The following ADAMTSL1 variants were observed in gnomAD, a reference collection of about 807,000 sequenced individuals.
The protein encoded by ADAMTSL1 is ADAMTS-like protein 1.
In ADAMTSL1, 126 loss-of-function variants were observed where a neutral mutation model predicts 201.8. The observed-to-expected ratio is 0.62, with a 90% CI of 0.54 to 0.72. The LOEUF is 0.72. ADAMTSL1 is among the 30% of genes least tolerant of loss of function. The probability of loss-of-function intolerance (pLI) is 0.00; values close to 1 mark genes in which losing one functional copy is unlikely to be tolerated. For synonymous variants in ADAMTSL1, 1,121 were observed against 903.4 expected, an observed-to-expected ratio of 1.24 and a Z score of -4.32; for missense variants, 2,679 against 2,277.8, an observed-to-expected ratio of 1.18 and a Z score of -3.59.
chr9:17,982,064 A>C (rs1395188133), intron 1 of ADAMTSL1, among the ~76,000 whole-genome samples: 1 of 152,210 alleles, frequency 6.6e-6, no homozygotes, highest in Non-Finnish European at 1.5e-5. Context: ...AAATCACACT[A>C]CTTGCTTAAA....
intron 1 of ADAMTSL1, among the ~76,000 whole-genome samples, chr9:18,085,934 C>T (rs1021778228): frequency 2.0e-5 from 3 of 151,848 alleles, no homozygotes; most frequent in Admixed American, 6.6e-5. Context: ...AGGACAGTAG[C>T]AGCAGAGATG....
chr9:18,266,740 A>C (rs1354803409), intron 2 of ADAMTSL1, among the ~76,000 whole-genome samples: 1 of 152,154 alleles, frequency 6.6e-6, no homozygotes, highest in Non-Finnish European at 1.5e-5. Context: ...GACAAGACTC[A>C]GTAAACATGG....
At chr9:18,058,178 G>A (rs530643622) in intron 1 of ADAMTSL1, among the ~76,000 whole-genome samples, 4 of 152,318 alleles carry the variant, frequency 2.6e-5, no homozygotes, top group African/African-American at 9.6e-5. Flanking sequence ...AGTATTTTGA[G>A]TAATCTAGAA....
intron 2 of ADAMTSL1, among the ~76,000 whole-genome samples, chr9:18,232,052 C>T (rs1260405759): frequency 6.6e-6 from 1 of 152,148 alleles, no homozygotes; most frequent in Non-Finnish European, 1.5e-5. Flanking sequence ...TCGTGTCACC[C>T]CTCAGCTCTC....
intron 3 of ADAMTSL1, among the ~76,000 whole-genome samples, chr9:18,555,738 T>C (rs1821070802): frequency 6.6e-6 from 1 of 151,812 alleles, no homozygotes; most frequent in Non-Finnish European, 1.5e-5. Flanking sequence ...ACCAGGGGAA[T>C]AAGAGGTGAC....
At chr9:18,756,231 A>G (rs1176272544) in intron 16 of ADAMTSL1, among the ~76,000 whole-genome samples, 1 of 134,622 alleles carries the variant, frequency 7.4e-6, no homozygotes, top group Non-Finnish European at 1.6e-5. Flanking sequence ...GTGAGCCGAG[A>G]TTGCACCACT....
At chr9:18,132,920 A>G (rs183556080) in intron 1 of ADAMTSL1, among the ~76,000 whole-genome samples, 90 of 152,204 alleles carry the variant, frequency 5.9e-4, no homozygotes, top group Non-Finnish European at 9.9e-4. Context: ...TTTGCCAAGG[A>G]TTACGGAGAT....
chr9:18,522,568 C>A (rs79541594), intron 2 of ADAMTSL1, among the ~76,000 whole-genome samples: 6 of 151,192 alleles, frequency 4.0e-5, no homozygotes, highest in Admixed American at 3.3e-4. Context: ...TTAAGTATAT[C>A]CCCTAATGCT....
At chr9:18,847,225 G>A (rs1214037169) in intron 23 of ADAMTSL1, among the ~76,000 whole-genome samples, 3 of 152,144 alleles carry the variant, frequency 2.0e-5, no homozygotes, top group Non-Finnish European at 4.4e-5. Flanking sequence ...AGTGGGGACT[G>A]CTTTCTTTGA....
intron 2 of ADAMTSL1, among the ~76,000 whole-genome samples, chr9:18,246,752 A>G (rs1209316011): frequency 6.6e-6 from 1 of 152,210 alleles, no homozygotes; most frequent in South Asian, 2.1e-4. Context: ...GAACATACAC[A>G]TACACACATG....
chr9:18,108,905 G>A (rs1824880126), intron 1 of ADAMTSL1, among the ~76,000 whole-genome samples: 1 of 152,170 alleles, frequency 6.6e-6, no homozygotes, highest in South Asian at 2.1e-4. Context: ...TGAAAGCATT[G>A]TTGTGTACAA....
chr9:18,622,124 G>T, intron 4 of ADAMTSL1, 119 bp from the exon 5 acceptor site: 1 of 1,295,870 alleles, frequency 7.7e-7, no homozygotes, highest in Non-Finnish European at 1.1e-6. Context: ...TCCCCTTCAC[G>T]GGGTATGTTT....
At chr9:18,804,355 C>T (rs1822975938) in intron 20 of ADAMTSL1, among the ~76,000 whole-genome samples, 1 of 152,096 alleles carries the variant, frequency 6.6e-6, no homozygotes, top group African/African-American at 2.4e-5. Flanking sequence ...GTAAATAGAG[C>T]TGACTATTGG....
At chr9:18,124,430 T>G (rs1158137648) in intron 1 of ADAMTSL1, among the ~76,000 whole-genome samples, 1 of 152,132 alleles carries the variant, frequency 6.6e-6, no homozygotes, top group Non-Finnish European at 1.5e-5. Flanking sequence ...TTTGCCAAAT[T>G]CTTGTCATTT....
intron 1 of ADAMTSL1, among the ~76,000 whole-genome samples, chr9:18,048,830 A>G (rs999851044): frequency 1.3e-5 from 2 of 152,116 alleles, no homozygotes; most frequent in African/African-American, 2.4e-5. Flanking sequence ...CCATATGTCT[A>G]TTACTCAGGG....
chr9:18,535,523 T>C (rs1182353255), intron 3 of ADAMTSL1, among the ~76,000 whole-genome samples: 2 of 152,216 alleles, frequency 1.3e-5, no homozygotes, highest in African/African-American at 4.8e-5. Flanking sequence ...AGTTACCCAG[T>C]TCTAAAGTCA....
intron 13 of ADAMTSL1, among the ~76,000 whole-genome samples, chr9:18,693,214 A>G (rs896670977): frequency 1.3e-5 from 2 of 152,218 alleles, no homozygotes; most frequent in Non-Finnish European, 2.9e-5. Flanking sequence ...AAATTATTGA[A>G]GTCAGCATCT....
intron 2 of ADAMTSL1, among the ~76,000 whole-genome samples, chr9:18,316,829 C>A (rs1268852535): frequency 1.3e-5 from 2 of 152,142 alleles, no homozygotes; most frequent in Non-Finnish European, 2.9e-5. Flanking sequence ...TCTTTACAAT[C>A]CACGTTCTTC....
At position 18,639,276 on chromosome 9, in the gene ADAMTSL1, G is replaced by A. The variant is rs1331109475; in HGVS notation, c.699G>A (p.Gln233=). The change falls in exon 7 of 29, where the codon CAG becomes CAA. Residue 233 remains glutamine, a synonymous_variant. Coordinates refer to ENST00000380548, the MANE Select transcript of ADAMTSL1 (RefSeq NM_001040272.6). ...TAGATCTGGAAACCAAAACCCTCCA[G>A]GGGACTAAAGGTGAAAACAGTCTCA... ...DHLYLETKTL[Q]GTKGENSLSS... 2 of 1,612,730 alleles carry A rather than the reference G, an allele frequency of 1.2e-6. No homozygotes were observed. Among genetic ancestry groups the A allele is most frequent in the African/African-American group, 2.7e-5 (2 of 74,826 alleles).
Sources: allele counts gnomAD v4.1 joint callset (sites outside exome capture counted in the v4.1 genomes callset), GRCh38; gene constraint gnomAD v4.1.1; transcripts MANE v1.5; gene names NCBI Gene and HGNC (gene_info 2026-07-23, HGNC 2026-07-21).